Variants in SYN2 observed in about 807,000 individuals in gnomAD.
The protein encoded by SYN2 is synapsin II, also known as synapsin-2.
In SYN2, 19 loss-of-function variants were observed where a neutral mutation model predicts 50.9. The observed-to-expected ratio is 0.37, with a 90% CI of 0.26 to 0.55. SYN2 has a LOEUF of 0.55. Ranked by LOEUF, SYN2 falls within the 20% of genes least tolerant of loss-of-function variation. The pLI is 0.81. For missense variants in SYN2, 587 were observed against 576.4 expected, an observed-to-expected ratio of 1.02 and a Z score of -0.19; for synonymous variants, 255 against 224.9, an observed-to-expected ratio of 1.13 and a Z score of -1.20.
chr3:12,131,651 C>CT (rs60176639), intron 1 of SYN2, among the ~76,000 whole-genome samples: 24,445 of 147,716 alleles, frequency 0.17, 4,575 homozygotes, highest in African/African-American at 0.46. Context: ...TTACAGGATT[C>CT]TTTTTTTTTT....
chr3:12,054,972 A>C (rs1694956313), intron 1 of SYN2, among the ~76,000 whole-genome samples: 1 of 152,156 alleles, frequency 6.6e-6, no homozygotes, highest in Non-Finnish European at 1.5e-5. Flanking sequence ...TGATAAATTT[A>C]ATATTGATTG....
chr3:12,030,494 A>G (rs1408388391), intron 1 of SYN2, among the ~76,000 whole-genome samples: 2 of 150,582 alleles, frequency 1.3e-5, no homozygotes, highest in Non-Finnish European at 3.0e-5. Context: ...TTCGGCTGTG[A>G]ATCCATCTGG....
chr3:12,066,914 G>C (rs1695228731), intron 1 of SYN2, among the ~76,000 whole-genome samples: 1 of 152,170 alleles, frequency 6.6e-6, no homozygotes, highest in Non-Finnish European at 1.5e-5. Flanking sequence ...AAGATCAAGT[G>C]TAGAATCATG....
intron 1 of SYN2, among the ~76,000 whole-genome samples, chr3:12,124,307 G>T (rs911292535): frequency 6.6e-6 from 1 of 152,202 alleles, no homozygotes; most frequent in Non-Finnish European, 1.5e-5. Context: ...GGAGAGTAAA[G>T]AGAGAAGGGG....
rs1279997202 is a variant in SYN2, at chr3:12,175,791, CATG to C, written c.1308+5886_1308+5888del. 2.6e-5 allele frequency among the ~76,000 whole-genome samples: 4 copies of C among 152,328 alleles called. No homozygotes were observed. The South Asian group carries it at 6.2e-4, about 24-fold the overall frequency. ...AATTATAGAACGCAAAGAGCAAAGA[CATG>C]GTGGTGGGCCCAAGCCAGCTGCAGT... is the stretch of plus-strand genomic sequence containing the variant. On this transcript the variant is annotated intron_variant, in intron 10 of 12. Transcript: ENST00000621198.
rs565066389 is a variant in SYN2, at chr3:12,129,217, A to T, written c.378-11434A>T. ...GATAGTCAGTAGAAACATAGGAGGG[A>T]ATATGTGAGCTGAGACTTACACATT... On this transcript the variant is annotated intron_variant, in intron 1 of 12. Coordinates refer to ENST00000621198, the MANE Select transcript of SYN2 (RefSeq NM_133625.6). Among the ~76,000 whole-genome samples the T allele has an allele frequency of 9.2e-5, 14 of 152,306 alleles. 1 individual carries two copies. Among genetic ancestry groups the T allele is most frequent in the Admixed American group, 2.0e-4 (3 of 15,284 alleles).
chr3:12,177,375 A>G (rs1698100988), intron 10 of SYN2, among the ~76,000 whole-genome samples: 1 of 152,212 alleles, frequency 6.6e-6, no homozygotes. Flanking sequence ...GGCCCAAGAC[A>G]GTTCTTCTCC....
intron 1 of SYN2, among the ~76,000 whole-genome samples, chr3:12,129,248 A>G (rs931076178): frequency 1.8e-4 from 28 of 152,220 alleles, no homozygotes; most frequent in African/African-American, 6.8e-4. Context: ...ACATTAAAAA[A>G]GAAGCAGGAC....
chr3:12,163,496 C>T (rs1479834383), intron 7 of SYN2, among the ~76,000 whole-genome samples: 1 of 151,922 alleles, frequency 6.6e-6, no homozygotes, highest in African/African-American at 2.4e-5. Flanking sequence ...CTTCACACAC[C>T]TCTTGGTTAG....
At chr3:12,079,003 T>C (rs1364304078) in intron 1 of SYN2, among the ~76,000 whole-genome samples, 1 of 152,184 alleles carries the variant, frequency 6.6e-6, no homozygotes, top group Non-Finnish European at 1.5e-5. Flanking sequence ...GTAGTTCTTC[T>C]CGAAGAGGTC....
At chr3:12,190,456 C>G in intron 12 of SYN2, 34 bp from the exon 13 acceptor site, 1 of 1,612,424 alleles carries the variant, frequency 6.2e-7, no homozygotes, top group South Asian at 1.1e-5. Flanking sequence ...GGGAACACCA[C>G]CCTCTCACAT....
chr3:12,021,483 A>C (rs1405806553), intron 1 of SYN2, among the ~76,000 whole-genome samples: 1 of 152,168 alleles, frequency 6.6e-6, no homozygotes, highest in Non-Finnish European at 1.5e-5. Context: ...TTTGTTTAAA[A>C]ATATGTGAAA....
At chr3:12,171,124 A>G (rs914909085) in intron 10 of SYN2, among the ~76,000 whole-genome samples, 61 of 152,204 alleles carry the variant, frequency 4.0e-4, no homozygotes, top group African/African-American at 1.4e-3. Flanking sequence ...GTATGGTGGG[A>G]TGTTATATAT....
intron 1 of SYN2, among the ~76,000 whole-genome samples, chr3:12,130,333 A>C (rs950089644): frequency 6.6e-6 from 1 of 152,038 alleles, no homozygotes; most frequent in African/African-American, 2.4e-5. Context: ...CAAATGGGAA[A>C]CCCAGGAGAG....
At chr3:12,071,123 AC>A (rs1695344873) in intron 1 of SYN2, 1 of 560,806 alleles carries the variant, frequency 1.8e-6, no homozygotes. Context: ...CTACATGCCA[AC>A]AAGGTGCTGT....
chr3:12,096,373 C>T (rs996870993), intron 1 of SYN2, among the ~76,000 whole-genome samples: 3 of 152,074 alleles, frequency 2.0e-5, no homozygotes, highest in African/African-American at 7.2e-5. Flanking sequence ...AGTATTACAG[C>T]AGGTCAGGGG....
chr3:12,158,651 T>A (rs755844763), intron 5 of SYN2: 1 of 1,602,920 alleles, frequency 6.2e-7, no homozygotes, highest in Non-Finnish European at 8.5e-7. Flanking sequence ...GGCCAGATAC[T>A]AATCCCCCAC....
intron 10 of SYN2, among the ~76,000 whole-genome samples, chr3:12,171,146 A>G (rs1697927824): frequency 6.6e-6 from 1 of 152,158 alleles, no homozygotes; most frequent in Non-Finnish European, 1.5e-5. Context: ...AGCTCTTATG[A>G]GTGTTTTAGT....
chr3:12,140,947 G>A (rs1697005337), intron 2 of SYN2, among the ~76,000 whole-genome samples: 1 of 152,114 alleles, frequency 6.6e-6, no homozygotes, highest in Non-Finnish European at 1.5e-5. Context: ...CTGTAGATGA[G>A]CAAGCAGTTT....
Sources: gnomAD v4.1 joint callset for allele counts (sites outside exome capture counted in the v4.1 genomes callset) on GRCh38, gnomAD v4.1.1 for gene constraint, MANE v1.5 for transcripts, NCBI Gene and HGNC (gene_info 2026-07-23, HGNC 2026-07-21) for gene names.